Variants in FANK1 observed in about 807,000 individuals in gnomAD.
The protein encoded by FANK1 is fibronectin type 3 and ankyrin repeat domains protein 1.
A neutral mutation model predicts 45.3 loss-of-function variants in FANK1; 44 were observed. The observed-to-expected ratio is 0.97, with a 90% confidence interval of 0.76 to 1.25. FANK1 has a LOEUF of 1.25. Among genes scored for constraint, FANK1 ranks in the 50% most tolerant of loss-of-function variants. The pLI, the probability that FANK1 is intolerant of heterozygous loss-of-function variation, is 0.00. For missense variants in FANK1, 391 were observed against 424.4 expected, an observed-to-expected ratio of 0.92 and a Z score of 0.69; for synonymous variants, 149 against 152.5, an observed-to-expected ratio of 0.98 and a Z score of 0.17.
intron 1 of FANK1, among the ~76,000 whole-genome samples, chr10:125,910,969 G>A (rs1347409634): frequency 6.6e-6 from 1 of 150,948 alleles, no homozygotes; most frequent in Admixed American, 6.6e-5. Context: ...GGGAGGCAGA[G>A]TTTGTAGTGA....
chr10:125,951,827 T>C (rs1257810028), intron 1 of FANK1, among the ~76,000 whole-genome samples: 3 of 152,200 alleles, frequency 2.0e-5, no homozygotes, highest in Non-Finnish European at 2.9e-5. Context: ...AAAAAATTCA[T>C]CTGAAATTGA....
intron 1 of FANK1, among the ~76,000 whole-genome samples, chr10:125,966,366 A>T (rs1950201685): frequency 6.6e-6 from 1 of 152,108 alleles, no homozygotes; most frequent in Non-Finnish European, 1.5e-5. Flanking sequence ...AAGGCACCTC[A>T]TTCCCAGATT....
intron 1 of FANK1, among the ~76,000 whole-genome samples, chr10:125,913,514 C>T (rs1384811480): frequency 1.3e-5 from 2 of 152,204 alleles, no homozygotes; most frequent in Non-Finnish European, 2.9e-5. Flanking sequence ...GACTCAGGCT[C>T]GTTTGCCACA....
intron 1 of FANK1, among the ~76,000 whole-genome samples, chr10:125,950,807 G>A (rs1358569761): frequency 8.2e-5 from 12 of 146,520 alleles, no homozygotes; most frequent in East Asian, 6.2e-4. Context: ...TGTTTATTGC[G>A]GCATTATTCA....
At chr10:126,000,334 A>G (rs1194847386) in intron 6 of FANK1, among the ~76,000 whole-genome samples, 1 of 152,214 alleles carries the variant, frequency 6.6e-6, no homozygotes, top group Admixed American at 6.5e-5. Context: ...ACTTGCCTTG[A>G]CAGTTATTAA....
intron 1 of FANK1, among the ~76,000 whole-genome samples, chr10:125,911,142 G>A (rs1188006263): frequency 6.6e-6 from 1 of 152,180 alleles, no homozygotes; most frequent in Non-Finnish European, 1.5e-5. Flanking sequence ...GGGCAGAGGA[G>A]CGTGTATCAT....
intron 1 of FANK1, among the ~76,000 whole-genome samples, chr10:125,936,590 T>C (rs1414252636): frequency 6.6e-6 from 1 of 152,166 alleles, no homozygotes; most frequent in Non-Finnish European, 1.5e-5. Flanking sequence ...TAAATAGAAG[T>C]ATACAGTATG....
chr10:125,921,571 G>A (rs1414730094), intron 1 of FANK1, among the ~76,000 whole-genome samples: 3 of 152,172 alleles, frequency 2.0e-5, no homozygotes, highest in African/African-American at 4.8e-5. Flanking sequence ...GTCCGTGTAC[G>A]TTTGACTTTA....
intron 1 of FANK1, chr10:125,974,879 G>T (rs1386304116): frequency 6.6e-6 from 1 of 151,840 alleles, no homozygotes; most frequent in African/African-American, 2.4e-5. Context: ...TAGGTTTGGG[G>T]GTACGTGTGA....
At chr10:125,913,996 A>G (rs1212220146) in intron 1 of FANK1, among the ~76,000 whole-genome samples, 2 of 152,022 alleles carry the variant, frequency 1.3e-5, no homozygotes, top group East Asian at 3.9e-4. Context: ...GTGGAGGGGG[A>G]TGGATCTCCT....
At chr10:125,957,559 C>T (rs1356860291) in intron 1 of FANK1, among the ~76,000 whole-genome samples, 1 of 152,014 alleles carries the variant, frequency 6.6e-6, no homozygotes, top group Non-Finnish European at 1.5e-5. Flanking sequence ...GAGTCTTGCT[C>T]TGTTGCCCAG....
In FANK1 at chr10:125,972,026, G is replaced by T. The variant is rs80013975; in HGVS notation, c.14-8135G>T. Among the ~76,000 whole-genome samples the T allele has an allele frequency of 7.3e-3, 1,109 of 152,240 alleles. 43 individuals carry two copies. Among genetic ancestry groups the T allele is most frequent in the East Asian group, 0.06 (311 of 5,182 alleles). On this transcript the variant is annotated intron_variant, in intron 1 of 10. Transcript: ENST00000368693. ...CCAGATTATCTTCATTTTAATCCTG[G>T]TTCTACCAGTTATTTCTGTGTGACC...
intron 1 of FANK1, among the ~76,000 whole-genome samples, 163 bp from the exon 2 acceptor site, chr10:125,979,998 C>T (rs1305394685): frequency 6.6e-6 from 1 of 152,160 alleles, no homozygotes; most frequent in Non-Finnish European, 1.5e-5. Context: ...TTTTGTATCT[C>T]TTTAGCTTTT....
At chr10:125,918,339 C>T (rs1484570499) in intron 1 of FANK1, among the ~76,000 whole-genome samples, 3 of 151,902 alleles carry the variant, frequency 2.0e-5, no homozygotes, top group Admixed American at 6.6e-5. Flanking sequence ...AGGCAGATCA[C>T]GAGGTCAAGA....
chr10:125,970,384 G>A (rs1201075112), intron 1 of FANK1, among the ~76,000 whole-genome samples: 2 of 151,950 alleles, frequency 1.3e-5, no homozygotes, highest in Non-Finnish European at 2.9e-5. Flanking sequence ...CATCCCAGAC[G>A]ATGGGCGGCC....
intron 3 of FANK1, 26 bp downstream of exon 3, chr10:125,988,701 A>C (rs745839395): frequency 6.2e-6 from 10 of 1,613,938 alleles, no homozygotes; most frequent in Non-Finnish European, 7.6e-6. Flanking sequence ...GTCCACACTC[A>C]CCTCTCTCTA....
rs1180692877 is a variant in FANK1 at position 125,983,681 on chromosome 10, A to ATT, written c.191+3344_191+3345dup. 1.3e-5 allele frequency among the ~76,000 whole-genome samples: 2 copies of ATT among 152,158 alleles called. No individual in the cohort carries two copies. The highest frequency in any genetic ancestry group is 4.8e-5 in the African/African-American group (2 of 41,424). ...AATGTACCTGGCTGGTCCCAGGAGCATTGAGGAACAGAGGGAACAAGGAGG... is the reference window on the plus strand; with the variant it reads ...AATGTACCTGGCTGGTCCCAGGAGCATTTTGAGGAACAGAGGGAACAAGGAGG... On this transcript the variant is annotated intron_variant, in intron 2 of 10. Coordinates refer to ENST00000368693, the MANE Select transcript of FANK1 (RefSeq NM_145235.5). This position sits in a 1 kb window ranked among gnomAD's most constrained non-coding sequence, Gnocchi z 4.3.
intron 1 of FANK1, among the ~76,000 whole-genome samples, chr10:125,977,782 G>A (rs1950946073): frequency 6.6e-6 from 1 of 152,160 alleles, no homozygotes; most frequent in Non-Finnish European, 1.5e-5. Flanking sequence ...TGGGGAGAGT[G>A]GGTGTGGGAC....
At chr10:125,952,074 A>T (rs75307488) in intron 1 of FANK1, among the ~76,000 whole-genome samples, 2,073 of 152,276 alleles carry the variant, frequency 0.014, 62 homozygotes, top group East Asian at 0.094. Flanking sequence ...TGTGTCAGAT[A>T]AGTTCAGGTG....
Sources: gnomAD v4.1 joint callset for allele counts (sites outside exome capture counted in the v4.1 genomes callset) on GRCh38, gnomAD v4.1.1 for gene constraint, Gnocchi (gnomAD v3.1) non-coding constraint, MANE v1.5 for transcripts, NCBI Gene and HGNC (gene_info 2026-07-23, HGNC 2026-07-21) for gene names.